The following TRAP1 variants were observed in gnomAD, a reference collection of about 807,000 sequenced individuals.
TRAP1 encodes TNF receptor associated protein 1, also known as heat shock protein 75 kDa, mitochondrial.
In TRAP1, 102 loss-of-function variants were observed where a neutral mutation model predicts 89.1. The ratio of observed to expected loss-of-function variants is 1.15; its 90% confidence interval spans 0.98 to 1.35. The LOEUF (loss-of-function observed/expected upper bound fraction) is 1.35, where lower values mean the gene tolerates loss of function less well. Ranked by LOEUF, TRAP1 falls within the 40% of genes most tolerant of loss-of-function variation. The pLI is 0.00. For synonymous variants in TRAP1, 508 were observed against 388.0 expected (o/e 1.31, Z -3.64); for missense variants, 1,256 against 945.3 (o/e 1.33, Z -4.31).
In TRAP1 at chr16:3,691,033, A is replaced by T. The variant is rs753376642; in HGVS notation, c.89-48T>A. The T allele has an allele frequency of 8.5e-6, 12 of 1,408,360 alleles. No homozygotes were observed. In the East Asian group the frequency reaches 3.0e-4, roughly 35 times the overall value. 87.2% of individuals were successfully genotyped at this position (1,408,360 alleles called of 1,614,324 possible). On this transcript the variant is annotated intron_variant, in intron 1 of 17. Coordinates refer to ENST00000246957, the MANE Select transcript of TRAP1 (RefSeq NM_016292.3). ...AGAATGAGAATTAGGAAGACACGAG[A>T]AACAATATGGTAATTCGTCCCATCA...
rs543158260 is a variant in TRAP1 at position 3,679,842 on chromosome 16, G to A, written c.472-52C>T. On this transcript the variant is annotated intron_variant, in intron 4 of 17. Coordinates refer to ENST00000246957, the MANE Select transcript of TRAP1 (RefSeq NM_016292.3). ...AAGCCCCCAGCACCTGGGGAGCCGG[G>A]TGAGTGCACCAGCAGTCCCAGGGAC... is the stretch of plus-strand genomic sequence containing the variant. 30 of 1,587,216 alleles carry A rather than the reference G, an allele frequency of 1.9e-5. No homozygotes were observed. In the East Asian group the frequency reaches 6.0e-4, roughly 32 times the overall value.
intron 1 of TRAP1, among the ~76,000 whole-genome samples, chr16:3,698,883 C>T (rs1018722758): frequency 1.3e-5 from 2 of 150,328 alleles, no homozygotes; most frequent in African/African-American, 4.9e-5. Context: ...CAGGCCCTGT[C>T]TCAAAAAAAA....
intron 4 of TRAP1, among the ~76,000 whole-genome samples, chr16:3,681,183 C>G (rs1320163275): frequency 6.6e-6 from 1 of 152,218 alleles, no homozygotes; most frequent in Non-Finnish European, 1.5e-5. Context: ...GCCTCCACAT[C>G]TATGAATTGG....
intron 16 of TRAP1, chr16:3,659,129 G>C: frequency 2.6e-6 from 1 of 386,158 alleles, no homozygotes; most frequent in Non-Finnish European, 4.7e-6. Context: ...AAGGAGCTTA[G>C]TACGTGAAGA....
chr16:3,691,412 G>A (rs1337833553), intron 1 of TRAP1, among the ~76,000 whole-genome samples: 1 of 152,122 alleles, frequency 6.6e-6, no homozygotes, highest in Non-Finnish European at 1.5e-5. Flanking sequence ...GTAGAAATGG[G>A]GTTTTGCTAT....
intron 10 of TRAP1, 29 bp downstream of exon 10, chr16:3,672,671 G>A (rs2038447819): frequency 2.5e-6 from 4 of 1,594,026 alleles, no homozygotes; most frequent in African/African-American, 1.3e-5. Flanking sequence ...GGCCACGGGG[G>A]CACTGCTCAC....
chr16:3,711,299 G>A (rs2051528193), intron 1 of TRAP1, among the ~76,000 whole-genome samples: 4 of 152,056 alleles, frequency 2.6e-5, no homozygotes, highest in Admixed American at 2.0e-4. Context: ...GAATTCACCT[G>A]GTTAAAAAGC....
intron 1 of TRAP1, among the ~76,000 whole-genome samples, chr16:3,697,921 T>C (rs1463830391): frequency 6.6e-6 from 1 of 151,412 alleles, no homozygotes; most frequent in Middle Eastern, 3.2e-3. Context: ...CCCAAGTAGC[T>C]GGGATTGCAG....
intron 2 of TRAP1, 75 bp from the exon 3 acceptor site, chr16:3,689,212 C>T: frequency 9.1e-7 from 1 of 1,100,236 alleles, no homozygotes; most frequent in Non-Finnish European, 1.3e-6. Flanking sequence ...CGTCACATTC[C>T]AAAGAAAGCT....
chr16:3,694,823 T>C (rs1431579230), intron 1 of TRAP1, among the ~76,000 whole-genome samples: 1 of 151,974 alleles, frequency 6.6e-6, no homozygotes, highest in Admixed American at 6.6e-5. Flanking sequence ...TGTATTAAAC[T>C]CCCCGTGGCA....
At chr16:3,715,929 C>G (rs2051592532) in intron 1 of TRAP1, among the ~76,000 whole-genome samples, 1 of 152,184 alleles carries the variant, frequency 6.6e-6, no homozygotes, top group Non-Finnish European at 1.5e-5. Flanking sequence ...GTGGTGCAAT[C>G]TCAGCTCACT....
At chr16:3,693,911 TGAGCCCA>T (rs2051250902) in intron 1 of TRAP1, among the ~76,000 whole-genome samples, 1 of 151,662 alleles carries the variant, frequency 6.6e-6, no homozygotes, top group South Asian at 2.1e-4. Context: ...GAAGATCACT[TGAGCCCA>T]GGATGTTGAG....
At chr16:3,702,570 C>T (rs2051380682) in intron 1 of TRAP1, among the ~76,000 whole-genome samples, 1 of 151,468 alleles carries the variant, frequency 6.6e-6, no homozygotes, top group Admixed American at 6.6e-5. Flanking sequence ...TGGTGAAACC[C>T]CGTCCCTACC....
At chr16:3,715,214 G>A (rs542035670) in intron 1 of TRAP1, among the ~76,000 whole-genome samples, 5 of 152,140 alleles carry the variant, frequency 3.3e-5, no homozygotes, top group Non-Finnish European at 7.3e-5. Flanking sequence ...CGAAGTGGGC[G>A]GATCACGAGG....
chr16:3,686,713 G>C (rs1019440723), intron 3 of TRAP1, among the ~76,000 whole-genome samples: 2 of 152,142 alleles, frequency 1.3e-5, no homozygotes, highest in African/African-American at 2.4e-5. Flanking sequence ...GCTCATGCTT[G>C]TAATCCAGGC....
rs568278365 is a variant in TRAP1, at chr16:3,699,567, G to A, written c.89-8582C>T. ...CTTGAACCCACGAGGCAGAGGTTGC[G>A]GTGAGCCGAGATTGTGCCATTGCAC... On this transcript the variant is annotated intron_variant, in intron 1 of 17. Coordinates refer to ENST00000246957, the MANE Select transcript of TRAP1 (RefSeq NM_016292.3). 4.7e-4 allele frequency among the ~76,000 whole-genome samples: 71 copies of A among 150,418 alleles called. 1 individual carries two copies. Among genetic ancestry groups the A allele is most frequent in the Non-Finnish European group, 1.3e-4 (9 of 67,760 alleles).
intron 8 of TRAP1, chr16:3,674,806 G>C (rs779619222): frequency 5.6e-5 from 24 of 431,702 alleles, no homozygotes; most frequent in African/African-American, 4.8e-4. Context: ...AGTGTGGGCC[G>C]TGAGAGCGAT....
chr16:3,683,789 TAAAAAA>T (rs79175106), intron 4 of TRAP1, among the ~76,000 whole-genome samples: 1 of 130,808 alleles, frequency 7.6e-6, no homozygotes, highest in African/African-American at 2.8e-5. Flanking sequence ...AAATATTTAC[TAAAAAA>T]AAAAAAAAAC....
At chr16:3,709,150 G>A in intron 1 of TRAP1, among the ~76,000 whole-genome samples, 1 of 148,550 alleles carries the variant, frequency 6.7e-6, no homozygotes. Context: ...TATTTAAAAG[G>A]GCTAGCGCAG....
Sources: allele counts gnomAD v4.1 joint callset (sites outside exome capture counted in the v4.1 genomes callset), GRCh38; gene constraint gnomAD v4.1.1; transcripts MANE v1.5; gene names NCBI Gene and HGNC (gene_info 2026-07-23, HGNC 2026-07-21).